The following ARHGAP10 variants were observed in gnomAD, a reference collection of about 807,000 sequenced individuals.
ARHGAP10 encodes the protein rho GTPase-activating protein 10.
In ARHGAP10, 87 loss-of-function variants were observed where a neutral mutation model predicts 108.6. That is an observed-to-expected ratio of 0.80 (90% confidence interval 0.67 to 0.96). The LOEUF (loss-of-function observed/expected upper bound fraction) is 0.96. Ranked by LOEUF, ARHGAP10 falls within the 40% of genes least tolerant of loss-of-function variation. The pLI, the probability that ARHGAP10 is intolerant of heterozygous loss-of-function variation, is 0.00. For missense variants in ARHGAP10, 939 were observed against 954.5 expected (o/e 0.98, Z 0.21); for synonymous variants, 347 against 341.1 (o/e 1.02, Z -0.19).
chr4:147,819,627 A>G (rs1030421816), intron 1 of ARHGAP10, among the ~76,000 whole-genome samples: 8 of 152,022 alleles, frequency 5.3e-5, no homozygotes, highest in Admixed American at 5.2e-4. Context: ...AGCTCACTGC[A>G]TGCTTCGCCT....
intron 3 of ARHGAP10, among the ~76,000 whole-genome samples, chr4:147,839,146 G>A (rs201653093): frequency 0.012 from 1,580 of 128,878 alleles, 9 homozygotes; most frequent in Middle Eastern, 0.016. Context: ...CTATCTATCT[G>A]TCTGTCTGTC....
chr4:147,994,382 C>T (rs181553620), intron 18 of ARHGAP10, among the ~76,000 whole-genome samples: 5 of 151,910 alleles, frequency 3.3e-5, no homozygotes, highest in African/African-American at 1.2e-4. Context: ...CTTGTTAATC[C>T]TTGCACAGCT....
intron 18 of ARHGAP10, among the ~76,000 whole-genome samples, chr4:148,002,439 G>C (rs1024021536): frequency 6.6e-6 from 1 of 152,216 alleles, no homozygotes; most frequent in Non-Finnish European, 1.5e-5. Flanking sequence ...AAATGAGTTA[G>C]GGAGGATTTC....
intron 1 of ARHGAP10, among the ~76,000 whole-genome samples, chr4:147,741,780 AC>A (rs1560733771): frequency 2.7e-5 from 1 of 37,258 alleles, no homozygotes; most frequent in African/African-American, 6.8e-5. Context: ...ACACACACAC[AC>A]ACACACACAC....
At chr4:147,996,210 G>A (rs192159270) in intron 18 of ARHGAP10, among the ~76,000 whole-genome samples, 1 of 152,148 alleles carries the variant, frequency 6.6e-6, no homozygotes, top group Non-Finnish European at 1.5e-5. Context: ...GAATAGCTAG[G>A]ATATGGCCTA....
chr4:147,876,900 G>A (rs1441340109), intron 8 of ARHGAP10, among the ~76,000 whole-genome samples: 5 of 152,210 alleles, frequency 3.3e-5, no homozygotes, highest in Admixed American at 1.3e-4. Flanking sequence ...TGGAGGCACT[G>A]AGAGGTAAAT....
At chr4:147,922,947 T>C (rs889905063) in intron 13 of ARHGAP10, among the ~76,000 whole-genome samples, 2 of 152,216 alleles carry the variant, frequency 1.3e-5, no homozygotes, top group African/African-American at 4.8e-5. Context: ...AAATGTCTTA[T>C]TTATCCTTTG....
At chr4:148,027,587 A>G (rs779985224) in intron 19 of ARHGAP10, among the ~76,000 whole-genome samples, 3 of 152,248 alleles carry the variant, frequency 2.0e-5, no homozygotes, top group Non-Finnish European at 4.4e-5. Context: ...TTGTATCCTA[A>G]GTAGGAACAT....
At chr4:147,752,541 C>CTTT (rs111694555) in intron 1 of ARHGAP10, among the ~76,000 whole-genome samples, 1 of 143,616 alleles carries the variant, frequency 7.0e-6, no homozygotes. Context: ...ACAGTTTGAT[C>CTTT]TTTTTTTTTT....
rs1168753846 is a variant in ARHGAP10 at position 147,875,094 on chromosome 4, A to T, written c.776A>T (p.Asp259Val). Residue 259 changes from aspartate to valine, a missense_variant, in exon 8 of 23, where the codon GAC (aspartate) becomes GTC (valine). Asp to Val is a radical substitution (Grantham distance 152, BLOSUM62 -3). Coordinates refer to ENST00000336498, the MANE Select transcript of ARHGAP10 (RefSeq NM_024605.4). Reference protein sequence around the residue: ...LMNKIRQNPKDHKRASQFTAE... With the variant: ...LMNKIRQNPKVHKRASQFTAE... ...AACAAAATCAGACAGAATCCCAAGGACCACAAACGAGCAAGTCAGTTTACA... is the reference window on the plus strand; with the variant it reads ...AACAAAATCAGACAGAATCCCAAGGTCCACAAACGAGCAAGTCAGTTTACA... The T allele has an allele frequency of 6.2e-7, 1 of 1,608,954 alleles. No individual in the cohort carries two copies. Among genetic ancestry groups the T allele is most frequent in the Admixed American group, 1.7e-5 (1 of 58,378 alleles).
At chr4:147,950,631 G>A (rs1738563623) in intron 15 of ARHGAP10, among the ~76,000 whole-genome samples, 2 of 152,172 alleles carry the variant, frequency 1.3e-5, no homozygotes, top group Non-Finnish European at 2.9e-5. Context: ...GTCCTCCAGG[G>A]TCTTGGAGAA....
chr4:147,981,774 TC>T (rs1390060365), intron 18 of ARHGAP10, among the ~76,000 whole-genome samples: 1 of 152,234 alleles, frequency 6.6e-6, no homozygotes, highest in Non-Finnish European at 1.5e-5. Context: ...AGTTAAATCT[TC>T]TTGTTGAATT....
chr4:148,065,567 A>C (rs1231173501), intron 22 of ARHGAP10: 1 of 152,184 alleles, frequency 6.6e-6, no homozygotes, highest in Admixed American at 6.5e-5. Flanking sequence ...CATAACATAC[A>C]TGCAGTTTTG....
At chr4:147,945,414 A>G (rs191408159) in intron 14 of ARHGAP10, among the ~76,000 whole-genome samples, 1 of 152,216 alleles carries the variant, frequency 6.6e-6, no homozygotes, top group Non-Finnish European at 1.5e-5. Context: ...GATGTTTGTA[A>G]GAAACACATA....
rs143950195 is a variant in ARHGAP10, at chr4:148,007,889, G to A, written c.1717-15374G>A. On this transcript the variant is annotated intron_variant, in intron 18 of 22. Coordinates refer to ENST00000336498, the MANE Select transcript of ARHGAP10 (RefSeq NM_024605.4). The stretch of plus-strand genomic sequence containing the variant: ...GCATGACTTAGCTTTGAATGTTCCC[G>A]GTCACAGTCTTCGGAGACACTTCCG... 7.1e-3 allele frequency among the ~76,000 whole-genome samples: 1,073 copies of A among 152,094 alleles called. 16 individuals carry two copies. Among genetic ancestry groups the A allele is most frequent in the African/African-American group, 0.024 (999 of 41,506 alleles).
chr4:147,955,293 TCTGAG>T lies in ARHGAP10; in HGVS notation c.1392-19_1392-15del, dbSNP rs1738746830. Reference sequence around the variant, plus strand: ...GACTTGTTTGGATTTATTTGATAATTCTGAGCTGTTCTTTTCACACAGGAGTCTTC... The same window carrying T: ...GACTTGTTTGGATTTATTTGATAATTCTGTTCTTTTCACACAGGAGTCTTC... On this transcript the variant is annotated intron_variant, in intron 15 of 22. Coordinates refer to ENST00000336498, the MANE Select transcript of ARHGAP10 (RefSeq NM_024605.4). 1 of 1,595,178 alleles carries T rather than the reference TCTGAG, an allele frequency of 6.3e-7. No individual in the cohort carries two copies. The highest frequency in any genetic ancestry group is 8.6e-7 in the Non-Finnish European group (1 of 1,168,360).
At chr4:148,015,285 G>A (rs143117799) in intron 18 of ARHGAP10, among the ~76,000 whole-genome samples, 75 of 152,318 alleles carry the variant, frequency 4.9e-4, no homozygotes, top group African/African-American at 1.7e-3. Flanking sequence ...GGTCAAAGCC[G>A]GCAAGATAGG....
At chr4:147,856,848 A>G (rs1412652496) in intron 4 of ARHGAP10, among the ~76,000 whole-genome samples, 2 of 152,174 alleles carry the variant, frequency 1.3e-5, no homozygotes, top group Non-Finnish European at 1.5e-5. Flanking sequence ...TTGAAAATCT[A>G]GAGTAAAACA....
chr4:147,999,021 G>A (rs1275670100), intron 18 of ARHGAP10, among the ~76,000 whole-genome samples: 52 of 152,276 alleles, frequency 3.4e-4, no homozygotes, highest in Non-Finnish European at 1.6e-4. Context: ...TGTGTACATA[G>A]AGAGCCCTGG....
Sources: gnomAD v4.1 joint callset for allele counts (sites outside exome capture counted in the v4.1 genomes callset) on GRCh38, gnomAD v4.1.1 for gene constraint, MANE v1.5 for transcripts, NCBI Gene and HGNC (gene_info 2026-07-23, HGNC 2026-07-21) for gene names.